The following HECW2 variants were observed in gnomAD, a reference collection of about 807,000 sequenced individuals.
The protein encoded by HECW2 is HECT, C2 and WW domain containing E3 ubiquitin protein ligase 2.
HECW2 carries 61 observed loss-of-function variants against 175.2 expected under a neutral mutation model. The observed-to-expected ratio is 0.35, with a 90% CI of 0.28 to 0.43. HECW2 has a LOEUF of 0.43. HECW2 is among the 20% of genes least tolerant of loss of function. The pLI is 1.00. For missense variants in HECW2, 1,524 were observed against 2,000.5 expected, an observed-to-expected ratio of 0.76 and a Z score of 4.54; for synonymous variants, 671 against 731.0, an observed-to-expected ratio of 0.92 and a Z score of 1.32.
chr2:196,508,174 A>T (rs964981444), intron 1 of HECW2, among the ~76,000 whole-genome samples: 1 of 152,220 alleles, frequency 6.6e-6, no homozygotes, highest in Non-Finnish European at 1.5e-5. Context: ...ACATAAATAC[A>T]CTACTTTTCT....
intron 1 of HECW2, among the ~76,000 whole-genome samples, chr2:196,573,027 A>T (rs1373537452): frequency 6.6e-6 from 1 of 152,228 alleles, no homozygotes; most frequent in African/African-American, 2.4e-5. Context: ...TTCTTTAAGT[A>T]TGTACCTATG....
At position 196,343,691 on chromosome 2, in the gene HECW2, T is replaced by C. The variant is rs1196914895; in HGVS notation, c.366A>G (p.Val122=). ...AATAGGGCCCAGGCTCAATTCTCCA[T>C]ACAATTTGCCCTTTTTGTGTTCCAG... The part of the protein sequence containing the change: ...GVTGTQKGQI[V]WRIEPGPYFM... Residue 122 remains valine (V), a synonymous_variant, in exon 3 of 29, where the codon GTA becomes GTG. Transcript: ENST00000644978. 8.7e-6 allele frequency: 14 copies of C among 1,613,610 alleles called. No individual in the cohort carries two copies. Among genetic ancestry groups the C allele is most frequent in the Non-Finnish European group, 1.1e-5 (13 of 1,179,650 alleles).
intron 26 of HECW2, chr2:196,217,848 A>T (rs1687532143): frequency 6.6e-6 from 1 of 152,276 alleles, no homozygotes; most frequent in African/African-American, 2.4e-5. Flanking sequence ...GGATTTAGTG[A>T]TTCAAACCAA....
intron 8 of HECW2, 92 bp from the exon 9 acceptor site, chr2:196,319,996 G>T (rs919531566): frequency 5.5e-6 from 7 of 1,284,036 alleles, no homozygotes; most frequent in Non-Finnish European, 7.3e-6. Flanking sequence ...TAAGTTCAAA[G>T]AAATCAGTCA....
intron 1 of HECW2, among the ~76,000 whole-genome samples, chr2:196,589,276 T>C (rs909382942): frequency 1.3e-5 from 2 of 152,132 alleles, no homozygotes; most frequent in African/African-American, 2.4e-5. Flanking sequence ...TGGAGTGAGT[T>C]TGGGAAAGGT....
At chr2:196,326,806 G>C (rs544546587) in intron 5 of HECW2, among the ~76,000 whole-genome samples, 1 of 152,230 alleles carries the variant, frequency 6.6e-6, no homozygotes, top group South Asian at 2.1e-4. Context: ...GAAAAGACGG[G>C]TAAAGAACTA....
In HECW2 at chr2:196,255,930, G is replaced by A. The variant is rs375309263; in HGVS notation, c.3419+1893C>T. Among the ~76,000 whole-genome samples the A allele has an allele frequency of 2.8e-4, 43 of 152,094 alleles. 1 individual carries two copies. Among genetic ancestry groups the A allele is most frequent in the East Asian group, 1.4e-3 (7 of 5,168 alleles). On this transcript the variant is annotated intron_variant, in intron 18 of 28. Transcript: ENST00000644978. ...TCTATTAAAATACAAAAAATTAGCC[G>A]GGCGTGGTGGCTTGCACCTGTACTC...
intron 2 of HECW2, among the ~76,000 whole-genome samples, chr2:196,391,801 C>A (rs1000475501): frequency 6.6e-6 from 1 of 152,200 alleles, no homozygotes; most frequent in Non-Finnish European, 1.5e-5. Context: ...CATCCTCCCT[C>A]CAAAGGCTCT....
chr2:196,474,964 C>A (rs1171218097), intron 1 of HECW2, among the ~76,000 whole-genome samples: 4 of 152,204 alleles, frequency 2.6e-5, no homozygotes, highest in African/African-American at 9.6e-5. Context: ...CCTCAACTCT[C>A]TGGGCCCAGC....
chr2:196,222,213 G>A lies in HECW2; in HGVS notation c.4144C>T (p.Gln1382Ter). The change falls in exon 24 of 29, where the codon CAG (glutamine) becomes TAG (stop). Residue 1382 changes from glutamine to a stop codon, truncating the protein, a stop_gained and splice_region_variant. Transcript: ENST00000644978. LOFTEE classifies it high-confidence loss of function. ...GCCAGGTGTGCAGATACACACACCTGCCCAAATACTTCTTCGTTCACAGTG... is the reference window on the plus strand; with the variant it reads ...GCCAGGTGTGCAGATACACACACCTACCCAAATACTTCTTCGTTCACAGTG... ...TFTVNEEVFG[Q>*]ITERELKPGG... The A allele has an allele frequency of 6.2e-7, 1 of 1,612,986 alleles. No homozygotes were observed. The highest frequency in any genetic ancestry group is 8.5e-7 in the Non-Finnish European group (1 of 1,179,568).
chr2:196,549,356 T>G (rs1689533481), intron 1 of HECW2, among the ~76,000 whole-genome samples: 1 of 152,218 alleles, frequency 6.6e-6, no homozygotes, highest in Non-Finnish European at 1.5e-5. Context: ...ACTTCTTTTC[T>G]TTCCTTCATG....
Position 196,433,234 on chromosome 2 carries a change from T to C in HECW2, c.190A>G (p.Ser64Gly). The C allele has an allele frequency of 1.2e-6, 2 of 1,614,192 alleles. No individual in the cohort carries two copies. The highest frequency in any genetic ancestry group is 1.7e-6 in the Non-Finnish European group (2 of 1,180,020). ...TGCCCCAGCGTGTACTCGTACATGC[T>C]GGCAGTTAAGCTGGAGCGGCTCTCA... ...TSESRSSLTASMYEYTLGQAQ... is the reference protein window; with the variant it reads ...TSESRSSLTAGMYEYTLGQAQ... Residue 64 changes from serine to glycine, a missense_variant, in exon 2 of 29, where the codon AGC (serine) becomes GGC (glycine). By Grantham distance (56) the Ser-to-Gly change is moderately conservative. Transcript: ENST00000644978.
intron 1 of HECW2, among the ~76,000 whole-genome samples, chr2:196,519,269 G>A (rs1275513788): frequency 2.0e-5 from 3 of 152,018 alleles, no homozygotes; most frequent in Non-Finnish European, 2.9e-5. Context: ...ACTGACTTCC[G>A]TCTGCCACCC....
intron 19 of HECW2, among the ~76,000 whole-genome samples, chr2:196,249,774 T>C (rs555558245): frequency 5.8e-4 from 89 of 152,334 alleles, no homozygotes; most frequent in African/African-American, 1.9e-3. Flanking sequence ...TATCAGGCTG[T>C]ACAACCCAGT....
intron 1 of HECW2, 65 bp from the exon 2 acceptor site, chr2:196,433,523 C>T: frequency 1.6e-6 from 2 of 1,231,380 alleles, no homozygotes; most frequent in Non-Finnish European, 2.2e-6. Flanking sequence ...TTAAGCTTTC[C>T]AGACATAAAG....
chr2:196,507,422 G>A (rs910481654), intron 1 of HECW2, among the ~76,000 whole-genome samples: 1 of 152,194 alleles, frequency 6.6e-6, no homozygotes, highest in African/African-American at 2.4e-5. Context: ...GTGCCCAGGG[G>A]AAATTTAGCA....
At chr2:196,250,319 A>G (rs991813040) in intron 19 of HECW2, among the ~76,000 whole-genome samples, 5 of 151,454 alleles carry the variant, frequency 3.3e-5, no homozygotes, top group African/African-American at 4.8e-5. Context: ...CAGGGTTCGT[A>G]TGTTCCAGTT....
intron 1 of HECW2, among the ~76,000 whole-genome samples, chr2:196,481,964 A>G (rs1686856690): frequency 6.6e-6 from 1 of 152,218 alleles, no homozygotes; most frequent in Non-Finnish European, 1.5e-5. Context: ...CTTTTTCTGT[A>G]TGCCTTCTAA....
At chr2:196,283,054 A>C (rs902011358) in intron 14 of HECW2, among the ~76,000 whole-genome samples, 3 of 151,816 alleles carry the variant, frequency 2.0e-5, no homozygotes, top group Non-Finnish European at 4.4e-5. Flanking sequence ...AGGTCAGGAG[A>C]GGGAGACCGT....
Sources: allele counts gnomAD v4.1 joint callset (sites outside exome capture counted in the v4.1 genomes callset), GRCh38; gene constraint gnomAD v4.1.1; transcripts MANE v1.5; gene names NCBI Gene and HGNC (gene_info 2026-07-23, HGNC 2026-07-21).